The following HGH1 variants were observed in gnomAD, a reference collection of about 807,000 sequenced individuals.
HGH1 encodes HGH1 cochaperone.
HGH1 carries 31 observed loss-of-function variants against 31.7 expected under a neutral mutation model. That is an observed-to-expected ratio of 0.98 (90% CI 0.73 to 1.32). HGH1 has a LOEUF of 1.32. HGH1 is among the 40% of genes most tolerant of loss of function. The pLI, the probability that HGH1 is intolerant of heterozygous loss-of-function variation, is 0.00. For missense variants in HGH1, 618 were observed against 594.4 expected, an observed-to-expected ratio of 1.04 and a Z score of -0.41; for synonymous variants, 284 against 293.6, an observed-to-expected ratio of 0.97 and a Z score of 0.34.
In HGH1 at chr8:144,139,010, GCTGC is replaced by G; in HGVS notation, c.799_802del (p.Pro267SerfsTer29). 1 of 1,613,530 alleles carries G rather than the reference GCTGC, an allele frequency of 6.2e-7. No individual in the cohort carries two copies. Among genetic ancestry groups the G allele is most frequent in the Non-Finnish European group, 8.5e-7 (1 of 1,179,686 alleles). ...TGGCTCCCACACACTCACCCCTAGG[GCTGC>G]CTGTCGACTTGCAGTACCTGCCACC... On this transcript the variant is annotated frameshift_variant and splice_region_variant, in exon 4 of 6. Transcript: ENST00000347708. LOFTEE classifies it high-confidence loss of function.
At position 144,138,822 on chromosome 8, in the gene HGH1, C is replaced by T. The variant is rs964693872; in HGVS notation, c.793+9C>T. The T allele has an allele frequency of 6.2e-7, 1 of 1,613,854 alleles. No homozygotes were observed. Among genetic ancestry groups the T allele is most frequent in the Admixed American group, 1.7e-5 (1 of 60,010 alleles). On this transcript the variant is annotated intron_variant, in intron 3 of 5. Coordinates refer to ENST00000347708, the MANE Select transcript of HGH1 (RefSeq NM_016458.4). ...CGAGGAAGAGATGGAACGTGAGTGG[C>T]TAGTGTGGAGCCTCAGAGTTGGCCG... is the stretch of plus-strand genomic sequence containing the variant.
chr8:144,138,841 T>C (rs1185475168), intron 3 of HGH1, 28 bp downstream of exon 3: 3 of 1,613,348 alleles, frequency 1.9e-6, no homozygotes, highest in Admixed American at 3.3e-5. Flanking sequence ...AGCCTCAGAG[T>C]TGGCCGGAGA....
rs1229434415 is a variant in HGH1 at position 144,139,612 on chromosome 8, C to T, written c.*60C>T. ...CTTTGCCAGGCTTTCTCAGACCAGGCCTTCCTGCAGCTGTCTGCAGGCCCC... is the reference window on the plus strand; with the variant it reads ...CTTTGCCAGGCTTTCTCAGACCAGGTCTTCCTGCAGCTGTCTGCAGGCCCC... On this transcript the variant is annotated 3_prime_UTR_variant, in exon 6 of 6. Transcript: ENST00000347708. The T allele has an allele frequency of 6.5e-7, 1 of 1,545,676 alleles. No individual in the cohort carries two copies. The highest frequency in any genetic ancestry group is 1.4e-5 in the African/African-American group (1 of 72,878).
chr8:144,138,033 G>C lies in HGH1; in HGVS notation c.198G>C (p.Gln66His). The change falls in exon 1 of 6, where the codon CAG becomes CAC. Residue 66 changes from glutamine (Q) to histidine (H), a missense_variant. Physicochemically the swap from Gln to His is conservative, Grantham distance 24. Transcript: ENST00000347708. ...ALLAGQAALL[Q>H]ALMELAPASA... ...TGGCGGGGCAGGCGGCGCTGCTGCA[G>C]GCGCTGATGGAGCTGGCGCCGGCCT... 7.6e-7 allele frequency: 1 copy of C among 1,307,452 alleles called. No homozygotes were observed. The allele number at this position is 1,307,452 out of a possible 1,614,324, so 81.0% of individuals were successfully genotyped here.
At position 144,139,816 on chromosome 8, in the gene HGH1, G is replaced by C. The variant is rs1815162486; in HGVS notation, c.*264G>C. The C allele has an allele frequency of 1.7e-6, 1 of 598,276 alleles. No homozygotes were observed. The highest frequency in any genetic ancestry group is 2.9e-6 in the Non-Finnish European group (1 of 341,612). 37.1% of individuals were successfully genotyped at this position (598,276 alleles called of 1,614,324 possible). A position where few individuals can be genotyped will look rare whatever the true frequency, so the allele number is the denominator to read the frequency against. On this transcript the variant is annotated 3_prime_UTR_variant, in exon 6 of 6. Coordinates refer to ENST00000347708, the MANE Select transcript of HGH1 (RefSeq NM_016458.4). ...CTCGGCTGCCTGTGCAGAAGGTGGA[G>C]GTGGCAGGCGGATGGCCAGGGAGCC...
Position 144,138,537 on chromosome 8 carries a change from C to T in HGH1, c.624C>T (p.Thr208=), listed in dbSNP as rs1815130623. Residue 208 remains threonine (T), a synonymous_variant, in exon 2 of 6, where the codon ACC becomes ACT. Coordinates refer to ENST00000347708, the MANE Select transcript of HGH1 (RefSeq NM_016458.4). The part of the protein sequence containing the change: ...RCVVQRLLPL[T]QYPDSSVRRG... ...TGGTCCAGCGGCTGCTGCCCCTTAC[C>T]CAGTACCCCGACTCCTCTGTACGCA... 3 of 1,612,016 alleles carry T rather than the reference C, an allele frequency of 1.9e-6. No individual in the cohort carries two copies. The East Asian group carries it at 6.7e-5, about 36-fold the overall frequency.
Position 144,137,958 on chromosome 8 carries a change from G to T in HGH1, c.123G>T (p.Ala41=), listed in dbSNP as rs1815117345. 1 of 1,330,786 alleles carries T rather than the reference G, an allele frequency of 7.5e-7. No individual in the cohort carries two copies. The highest frequency in any genetic ancestry group is 9.6e-7 in the Non-Finnish European group (1 of 1,043,702). 82.4% of individuals were successfully genotyped at this position (1,330,786 alleles called of 1,614,324 possible). A position where few individuals can be genotyped will look rare whatever the true frequency, so the allele number is the denominator to read the frequency against. ...CGCGGGCGGACCTGCAGGCGGCGGC[G>T]GTGCGGCACGTGCTGGCGCTGACTG... The part of the protein sequence containing the change: ...PGARADLQAA[A]VRHVLALTGC... The change falls in exon 1 of 6, where the codon GCG becomes GCT. Residue 41 remains alanine (A), a synonymous_variant. Transcript: ENST00000347708.
chr8:144,139,440 A>G lies in HGH1; in HGVS notation c.1061A>G (p.Gln354Arg). Reference protein sequence around the residue: ...ERGMENLLEVQVPEDVEQQLQ... With the variant: ...ERGMENLLEVRVPEDVEQQLQ... ...GGCATGGAAAACCTGCTGGAGGTGC[A>G]GGTGCCTGAGGATGTGGAGCAGCAG... The change falls in exon 6 of 6, where the codon CAG becomes CGG. Residue 354 changes from glutamine (Q) to arginine (R), a missense_variant. Physicochemically the swap from Gln to Arg is conservative, Grantham distance 43. Transcript: ENST00000347708. 1 of 1,602,218 alleles carries G rather than the reference A, an allele frequency of 6.2e-7. No homozygotes were observed.
At position 144,138,976 on chromosome 8, in the gene HGH1, G is replaced by A. The variant is rs1043763600; in HGVS notation, c.794-33G>A. 13 of 1,610,088 alleles carry A rather than the reference G, an allele frequency of 8.1e-6. No individual in the cohort carries two copies. In the African/African-American group the frequency reaches 1.3e-4, roughly 17 times the overall value. On this transcript the variant is annotated intron_variant, in intron 3 of 5. Coordinates refer to ENST00000347708, the MANE Select transcript of HGH1 (RefSeq NM_016458.4). The stretch of plus-strand genomic sequence containing the variant: ...GAGCCTGGCTCAGCTGCCCAGCCCA[G>A]GGACACAGTGGCTCCCACACACTCA...
In HGH1 at chr8:144,137,806, C is replaced by A; in HGVS notation, c.-30C>A. 8.1e-7 allele frequency: 1 copy of A among 1,238,736 alleles called. No individual in the cohort carries two copies. The highest frequency in any genetic ancestry group is 1.0e-6 in the Non-Finnish European group (1 of 990,222). 76.7% of individuals were successfully genotyped at this position (1,238,736 alleles called of 1,614,324 possible). On this transcript the variant is annotated 5_prime_UTR_variant, in exon 1 of 6. Transcript: ENST00000347708. Reference sequence around the variant, plus strand: ...GGACCCCTAAGCGGACCGCTGGCACCGGTCGGGTGGCAGCAGAGTGTCGCT... The same window carrying A: ...GGACCCCTAAGCGGACCGCTGGCACAGGTCGGGTGGCAGCAGAGTGTCGCT...
Position 144,139,159 on chromosome 8 carries a change from A to C in HGH1, c.886-30A>C, listed in dbSNP as rs928256062. ...CCAACACACACACATGAGCATGCTGACATCTGGGTAACCTCTTCCACCTCC... is the reference window on the plus strand; with the variant it reads ...CCAACACACACACATGAGCATGCTGCCATCTGGGTAACCTCTTCCACCTCC... On this transcript the variant is annotated intron_variant, in intron 4 of 5. Coordinates refer to ENST00000347708, the MANE Select transcript of HGH1 (RefSeq NM_016458.4). 7.1e-4 allele frequency: 1,145 copies of C among 1,613,996 alleles called. 1 individual carries two copies. The highest frequency in any genetic ancestry group is 8.9e-4 in the Non-Finnish European group (1,047 of 1,179,862).
rs1202731901 is a variant in HGH1, at chr8:144,138,545, C to T, written c.632C>T (p.Pro211Leu). 6 of 1,612,280 alleles carry T rather than the reference C, an allele frequency of 3.7e-6. No homozygotes were observed. In the Admixed American group the frequency reaches 8.3e-5, roughly 22 times the overall value. The change falls in exon 2 of 6, where the codon CCC (proline) becomes CTC (leucine). Residue 211 changes from proline (P) to leucine (L), a missense_variant. By Grantham distance (98) the Pro-to-Leu change is moderately conservative (BLOSUM62 -3). Coordinates refer to ENST00000347708, the MANE Select transcript of HGH1 (RefSeq NM_016458.4). ...CGGCTGCTGCCCCTTACCCAGTACC[C>T]CGACTCCTCTGTACGCAGGGGCGGG... is the stretch of plus-strand genomic sequence containing the variant. ...VQRLLPLTQY[P>L]DSSVRRGGVV...
In HGH1 at chr8:144,138,778, C is replaced by T. The variant is rs140951165; in HGVS notation, c.758C>T (p.Ala253Val). Residue 253 changes from alanine (A) to valine (V), a missense_variant, in exon 3 of 6, where the codon GCT becomes GTT. Transcript: ENST00000347708. ...CTCCCCTTTTTGCTCCTGCCCTTGG[C>T]TGGGCCTGAGGATTTCTCCGAGGAA... is the stretch of plus-strand genomic sequence containing the variant. The part of the protein sequence containing the change: ...DILPFLLLPL[A>V]GPEDFSEEEM... 7.4e-5 allele frequency: 120 copies of T among 1,613,854 alleles called. No homozygotes were observed. The highest frequency in any genetic ancestry group is 9.3e-5 in the Non-Finnish European group (110 of 1,179,878).
At chr8:144,138,472 TAGG>T in intron 1 of HGH1, 32 bp from the exon 2 acceptor site, 1 of 1,596,746 alleles carries the variant, frequency 6.3e-7, no homozygotes, top group South Asian at 1.1e-5. Context: ...GGACGGAAGT[TAGG>T]GGGGACGGCC....
chr8:144,139,526 TG>T lies in HGH1; in HGVS notation c.1150del (p.Val384TrpfsTer54). The T allele has an allele frequency of 6.4e-7, 1 of 1,557,498 alleles. No homozygotes were observed. Among genetic ancestry groups the T allele is most frequent in the Non-Finnish European group, 8.7e-7 (1 of 1,150,984 alleles). The stretch of plus-strand genomic sequence containing the variant: ...GGAGCGGGAGCTGGCCCCAGAGCCA[TG>T]GGTGGAGAGGGCCACACCCACCTGA... ...QLERELAPEP[W>X]VERATPT On this transcript the variant is annotated frameshift_variant, in exon 6 of 6. Coordinates refer to ENST00000347708, the MANE Select transcript of HGH1 (RefSeq NM_016458.4). LOFTEE classifies it low-confidence loss of function (END_TRUNC).
Position 144,138,740 on chromosome 8 carries a change from T to A in HGH1, c.720T>A (p.Pro240=), listed in dbSNP as rs146450411. The A allele has an allele frequency of 1.8e-3, 2,846 of 1,613,920 alleles. 2 individuals carry two copies. The highest frequency in any genetic ancestry group is 2.2e-3 in the Non-Finnish European group (2,565 of 1,179,858). Residue 240 remains proline (P), a synonymous_variant, in exon 3 of 6, where the codon CCT becomes CCA. Coordinates refer to ENST00000347708, the MANE Select transcript of HGH1 (RefSeq NM_016458.4). The part of the protein sequence containing the change: ...EHRHHEWLLG[P]EVDILPFLLL... ...GACATCACGAGTGGTTGCTTGGACCTGAGGTGGACATTCTCCCCTTTTTGC... is the reference window on the plus strand; with the variant it reads ...GACATCACGAGTGGTTGCTTGGACCAGAGGTGGACATTCTCCCCTTTTTGC...
chr8:144,137,780 CG>C lies in HGH1; in HGVS notation c.-54del, dbSNP rs1254656006. The C allele has an allele frequency of 8.4e-7, 1 of 1,192,328 alleles. No individual in the cohort carries two copies. The highest frequency in any genetic ancestry group is 1.6e-5 in the African/African-American group (1 of 63,440). 73.9% of individuals were successfully genotyped at this position (1,192,328 alleles called of 1,614,324 possible). A position where few individuals can be genotyped will look rare whatever the true frequency, so the allele number is the denominator to read the frequency against. On this transcript the variant is annotated 5_prime_UTR_variant, in exon 1 of 6. Coordinates refer to ENST00000347708, the MANE Select transcript of HGH1 (RefSeq NM_016458.4). ...GTGGGCGGGGTTGCGGGCCACACAG[CG>C]GACCCCTAAGCGGACCGCTGGCACC...
In HGH1 at chr8:144,139,051, G is replaced by A. The variant is rs1006756351; in HGVS notation, c.836G>A (p.Arg279Gln). Residue 279 changes from arginine to glutamine, a missense_variant, in exon 4 of 6, where the codon CGA (arginine) becomes CAA (glutamine). By Grantham distance (43) the Arg-to-Gln change is conservative. Transcript: ENST00000347708. ...DLQYLPPDKQREPDADIRKML... is the reference protein window; with the variant it reads ...DLQYLPPDKQQEPDADIRKML... ...CAGTACCTGCCACCAGACAAGCAGCGAGAACCTGATGCAGACATCCGCAAG... is the reference window on the plus strand; with the variant it reads ...CAGTACCTGCCACCAGACAAGCAGCAAGAACCTGATGCAGACATCCGCAAG... 347 of 1,613,986 alleles carry A rather than the reference G, an allele frequency of 2.1e-4. No homozygotes were observed. Among genetic ancestry groups the A allele is most frequent in the Middle Eastern group, 9.9e-4 (6 of 6,056 alleles).
In HGH1 at chr8:144,140,280, G is replaced by A. The variant is rs952485796; in HGVS notation, c.*728G>A. On this transcript the variant is annotated 3_prime_UTR_variant, in exon 6 of 6. Coordinates refer to ENST00000347708, the MANE Select transcript of HGH1 (RefSeq NM_016458.4). Reference sequence around the variant, plus strand: ...ACCTCTGCCAAGAGCCTCCAGATGTGCCTGCAGCCTAGTCCCTGCCCAAGC... The same window carrying A: ...ACCTCTGCCAAGAGCCTCCAGATGTACCTGCAGCCTAGTCCCTGCCCAAGC... 147 of 154,620 alleles carry A rather than the reference G, an allele frequency of 9.5e-4. 1 individual carries two copies. The highest frequency in any genetic ancestry group is 1.0e-3 in the Non-Finnish European group (71 of 69,804). 9.6% of individuals were successfully genotyped at this position (154,620 alleles called of 1,614,324 possible).
Sources: allele counts gnomAD v4.1 joint callset, GRCh38; gene constraint gnomAD v4.1.1; transcripts MANE v1.5; gene names NCBI Gene and HGNC (gene_info 2026-07-23, HGNC 2026-07-21).